PER2: variants seen among roughly 807,000 people sequenced by gnomAD.
PER2 encodes period circadian regulator 2, also known as period circadian protein homolog 2.
Under a neutral mutation model 121.0 loss-of-function variants are expected in PER2, and 66 were observed. That is an observed-to-expected ratio of 0.55 (90% CI 0.45 to 0.67). The LOEUF is 0.67. Among genes scored for constraint, PER2 ranks in the 30% least tolerant of loss-of-function variants. The pLI is 0.00. For missense variants in PER2, 1,521 were observed against 1,635.0 expected, an observed-to-expected ratio of 0.93 and a Z score of 1.20; for synonymous variants, 684 against 659.9, an observed-to-expected ratio of 1.04 and a Z score of -0.56.
intron 2 of PER2, 130 bp downstream of exon 2, chr2:238,277,577 G>T: frequency 1.8e-6 from 2 of 1,106,430 alleles, no homozygotes; most frequent in Non-Finnish European, 2.6e-6. Flanking sequence ...CACATTTTAG[G>T]TATTTTCAAA....
chr2:238,246,773 G>T (rs1219104780), intron 22 of PER2, among the ~76,000 whole-genome samples: 1 of 152,214 alleles, frequency 6.6e-6, no homozygotes, highest in Non-Finnish European at 1.5e-5. Flanking sequence ...CTACTTGGGA[G>T]GCTGAGGCAG....
chr2:238,268,274 G>T lies in PER2; in HGVS notation c.825-76C>A. 1 of 1,476,438 alleles carries T rather than the reference G, an allele frequency of 6.8e-7. No individual in the cohort carries two copies. The highest frequency in any genetic ancestry group is 9.4e-7 in the Non-Finnish European group (1 of 1,069,348). The allele number at this position is 1,476,438 out of a possible 1,614,324, so 91.5% of individuals were successfully genotyped here. ...CCCCTGTTCTGTTCCCTCCTCACCT[G>T]GGCCCCATGCCATGCTGCAGGTGAT... On this transcript the variant is annotated intron_variant, in intron 7 of 22. Transcript: ENST00000254657. This position sits in a 1 kb window ranked among gnomAD's most constrained non-coding sequence, Gnocchi z 4.0.
chr2:238,261,636 G>T, intron 12 of PER2, 93 bp downstream of exon 12: 1 of 776,558 alleles, frequency 1.3e-6, no homozygotes, highest in South Asian at 1.5e-5. Flanking sequence ...CTGTCTGAGT[G>T]GGTGTGCCAG....
At position 238,277,769 on chromosome 2, in the gene PER2, A is replaced by G; in HGVS notation, c.168T>C (p.Ser56=). Residue 56 remains serine (S), a synonymous_variant, in exon 2 of 23, where the codon AGT becomes AGC. Transcript: ENST00000254657. ...GCTCCTTCCCACTGTCGTCACAGTC[A>G]CTGCCCTGCGAGTCCCGCCCCGTGG... ...NCSTGRDSQG[S]DCDDSGKELG... 1 of 1,614,158 alleles carries G rather than the reference A, an allele frequency of 6.2e-7. No individual in the cohort carries two copies. The highest frequency in any genetic ancestry group is 8.5e-7 in the Non-Finnish European group (1 of 1,180,008).
Position 238,282,675 on chromosome 2 carries a change from C to T in PER2, c.-19-4720G>A, listed in dbSNP as rs553670198. ...TCCCACTGACTGACTTGCCCTTATT[C>T]GCTTAGCACTGAGGGCTGGCACTGG... On this transcript the variant is annotated intron_variant, in intron 1 of 22. Transcript: ENST00000254657. Among the ~76,000 whole-genome samples, 11 of 152,338 alleles carry T rather than the reference C, an allele frequency of 7.2e-5. No individual in the cohort carries two copies. The South Asian group carries it at 1.2e-3, about 17-fold the overall frequency.
At chr2:238,272,005 A>G (rs1696305720) in intron 5 of PER2, among the ~76,000 whole-genome samples, 1 of 152,056 alleles carries the variant, frequency 6.6e-6, no homozygotes, top group Admixed American at 6.5e-5. Flanking sequence ...TAAAACCAAC[A>G]TATACTCTCA....
Position 238,245,224 on chromosome 2 carries a change from C to T in PER2, c.*1151G>A, listed in dbSNP as rs916893607. The T allele has an allele frequency of 7.7e-5, 18 of 233,968 alleles. No homozygotes were observed. The highest frequency in any genetic ancestry group is 9.0e-5 in the Non-Finnish European group (11 of 121,834). The allele number at this position is 233,968 out of a possible 1,614,324, so 14.5% of individuals were successfully genotyped here. On this transcript the variant is annotated 3_prime_UTR_variant, in exon 23 of 23. Coordinates refer to ENST00000254657, the MANE Select transcript of PER2 (RefSeq NM_022817.3). ...TGCAACATGAGGTTTTGTAAAAAGC[C>T]GGGCAGACTGGCCTCACTTTTCCCC...
intron 1 of PER2, among the ~76,000 whole-genome samples, chr2:238,278,317 C>T (rs113732211): frequency 0.042 from 6,459 of 152,238 alleles, 188 homozygotes; most frequent in Non-Finnish European, 0.064. Context: ...GCGATCTGCC[C>T]GCCTCAGCCT....
At chr2:238,287,777 T>C (rs1008896822) in intron 1 of PER2, among the ~76,000 whole-genome samples, 1 of 152,160 alleles carries the variant, frequency 6.6e-6, no homozygotes, top group Non-Finnish European at 1.5e-5. Context: ...CTGTGTAGGT[T>C]ACAGAAACCC....
In PER2 at chr2:238,253,589, C is replaced by T. The variant is rs201525818; in HGVS notation, c.2434G>A (p.Gly812Arg). The change falls in exon 19 of 23, where the codon GGA becomes AGA. Residue 812 changes from glycine (G) to arginine (R), a missense_variant. By Grantham distance (125) the Gly-to-Arg change is moderately radical. Transcript: ENST00000254657. The surrounding 1 kb of genome is among the most constrained non-coding windows in gnomAD (Gnocchi z 5.6). ...VKPRDSSEST[G>R]SGGPVSARPP... ...CGGGCGGACACGGGCCCCCCAGATC[C>T]GGTGCTCTCAGATGAGTCTCGAGGT... The T allele has an allele frequency of 4.7e-4, 756 of 1,609,940 alleles. 1 individual carries two copies. Among genetic ancestry groups the T allele is most frequent in the Non-Finnish European group, 6.1e-4 (723 of 1,178,182 alleles).
chr2:238,260,705 A>G (rs1162558490), intron 13 of PER2, 123 bp downstream of exon 13: 1 of 1,062,034 alleles, frequency 9.4e-7, no homozygotes, highest in East Asian at 2.4e-5. Flanking sequence ...TTTAGAAAGG[A>G]AGCAGCAACA....
chr2:238,288,731 C>A (rs897685473), upstream of PER2: 3 of 152,208 alleles, frequency 2.0e-5, no homozygotes, highest in Admixed American at 2.0e-4. Flanking sequence ...CCGCCGCCGC[C>A]CACAGCTGCA....
chr2:238,266,172 G>A (rs1054267481), intron 8 of PER2, among the ~76,000 whole-genome samples: 5 of 152,096 alleles, frequency 3.3e-5, no homozygotes, highest in Non-Finnish European at 7.4e-5. Flanking sequence ...CAAAGTGCTG[G>A]GACTACAGGC....
At chr2:238,271,194 C>T in intron 6 of PER2, 118 bp downstream of exon 6, 1 of 854,046 alleles carries the variant, frequency 1.2e-6, no homozygotes, top group South Asian at 1.3e-5. Flanking sequence ...AGCTGGCGGC[C>T]CCCACAGGTG....
chr2:238,270,963 C>T (rs757286757), intron 6 of PER2, among the ~76,000 whole-genome samples: 2 of 152,246 alleles, frequency 1.3e-5, no homozygotes, highest in Non-Finnish European at 2.9e-5. Context: ...GGGACGCCTG[C>T]GTGCAGGGAG....
intron 21 of PER2, 33 bp downstream of exon 21, chr2:238,250,517 TC>T: frequency 2.0e-6 from 3 of 1,525,362 alleles, no homozygotes; most frequent in Non-Finnish European, 1.8e-6. Context: ...ACCCCATCCC[TC>T]CCCAGGTGCC....
intron 5 of PER2, 40 bp downstream of exon 5, chr2:238,273,030 C>T: frequency 6.2e-7 from 1 of 1,611,274 alleles, no homozygotes; most frequent in African/African-American, 1.3e-5. Context: ...AGGAGGAACT[C>T]CTGCCATTTT....
Position 238,275,825 on chromosome 2 carries a change from G to A in PER2, c.366C>T (p.Leu122=). ...IKTLKELKVH[L]PADKKAKGKA... is the part of the protein sequence containing the mutation. ...TGCCCTTGGCCTTCTTGTCTGCAGG[G>A]AGGTGGACCTTCAGCTCCTTTAGTG... is the stretch of plus-strand genomic sequence containing the variant. Residue 122 remains leucine (L), a synonymous_variant, in exon 4 of 23, where the codon CTC becomes CTT. Coordinates refer to ENST00000254657, the MANE Select transcript of PER2 (RefSeq NM_022817.3). The A allele has an allele frequency of 1.2e-6, 2 of 1,614,166 alleles. No individual in the cohort carries two copies. Among genetic ancestry groups the A allele is most frequent in the East Asian group, 4.5e-5 (2 of 44,890 alleles).
rs752655100 is a variant in PER2, at chr2:238,252,012, G to A, written c.3112-251C>T. ...ATTTTCGGAGAGTCACATGGAAGAC[G>A]GCAATACCTGGGCTCCAGGGGGGAA... On this transcript the variant is annotated intron_variant, in intron 19 of 22. Transcript: ENST00000254657. This position sits in a 1 kb window ranked among gnomAD's most constrained non-coding sequence, Gnocchi z 4.2. Among the ~76,000 whole-genome samples the A allele has an allele frequency of 2.7e-4, 41 of 152,182 alleles. No homozygotes were observed. Among genetic ancestry groups the A allele is most frequent in the Non-Finnish European group, 5.4e-4 (37 of 68,024 alleles).
Sources: gnomAD v4.1 joint callset for allele counts (sites outside exome capture counted in the v4.1 genomes callset) on GRCh38, gnomAD v4.1.1 for gene constraint, Gnocchi (gnomAD v3.1) non-coding constraint, MANE v1.5 for transcripts, NCBI Gene and HGNC (gene_info 2026-07-23, HGNC 2026-07-21) for gene names.